PSEN2: variants seen among roughly 807,000 people sequenced by gnomAD.
The protein encoded by PSEN2 is presenilin 2.
A neutral mutation model predicts 49.1 loss-of-function variants in PSEN2; 32 were observed. The ratio of observed to expected loss-of-function variants is 0.65; its 90% CI spans 0.49 to 0.88. PSEN2 has a LOEUF of 0.88. PSEN2 is among the 40% of genes least tolerant of loss of function. The pLI, the probability that PSEN2 is intolerant of heterozygous loss-of-function variation, is 0.00. For missense variants in PSEN2, 522 were observed against 586.9 expected (o/e 0.89, Z 1.14); for synonymous variants, 255 against 244.0 (o/e 1.05, Z -0.42).
At chr1:226,892,869 T>G (rs1450165617) in intron 11 of PSEN2, among the ~76,000 whole-genome samples, 2 of 152,196 alleles carry the variant, frequency 1.3e-5, no homozygotes, top group Non-Finnish European at 2.9e-5. Flanking sequence ...TTAGGTTCAA[T>G]AACTTGCTAG....
downstream of PSEN2, among the ~76,000 whole-genome samples, chr1:226,899,948 C>G (rs1452048185): frequency 1.3e-5 from 2 of 152,200 alleles, no homozygotes; most frequent in East Asian, 3.8e-4. Context: ...CACGGCCATA[C>G]CTGTCTGAGA....
intron 5 of PSEN2, among the ~76,000 whole-genome samples, chr1:226,885,075 T>C (rs958522554): frequency 3.3e-5 from 5 of 152,060 alleles, no homozygotes; most frequent in South Asian, 2.1e-4. Flanking sequence ...GTGAATTGCT[T>C]CCTGTGTCTG....
downstream of PSEN2, among the ~76,000 whole-genome samples, chr1:226,900,691 A>C (rs2102704193): frequency 6.6e-6 from 1 of 152,312 alleles, no homozygotes; most frequent in South Asian, 2.1e-4. Flanking sequence ...ACATTGGCCA[A>C]GAGCTCCCTG....
chr1:226,887,234 C>T (rs773864769), intron 6 of PSEN2, among the ~76,000 whole-genome samples: 32 of 152,104 alleles, frequency 2.1e-4, no homozygotes, highest in African/African-American at 6.3e-4. Context: ...GGTGGTGGCC[C>T]GGGCAGCCAG....
At chr1:226,878,370 C>T (rs1042095721) in intron 3 of PSEN2, among the ~76,000 whole-genome samples, 1 of 152,118 alleles carries the variant, frequency 6.6e-6, no homozygotes, top group Non-Finnish European at 1.5e-5. Flanking sequence ...CAGGGAGCGT[C>T]TTATTAGTGG....
rs371574453 is a variant in PSEN2 at position 226,880,156 on chromosome 1, C to A, written c.-20-1732C>A. 7.6e-4 allele frequency among the ~76,000 whole-genome samples: 115 copies of A among 152,304 alleles called. 2 individuals carry two copies. The South Asian group carries it at 0.023, about 31-fold the overall frequency. ...TTGGGAGGCTGAGGCAGGAGGATCACTTGAGGCCAGGAGTTTGAGACTAGC... is the reference window on the plus strand; with the variant it reads ...TTGGGAGGCTGAGGCAGGAGGATCAATTGAGGCCAGGAGTTTGAGACTAGC... On this transcript the variant is annotated intron_variant, in intron 3 of 12. Coordinates refer to ENST00000366783, the MANE Select transcript of PSEN2 (RefSeq NM_000447.3).
intron 7 of PSEN2, 37 bp from the exon 8 acceptor site, chr1:226,888,792 C>T: frequency 6.4e-7 from 1 of 1,573,734 alleles, no homozygotes; most frequent in Non-Finnish European, 8.7e-7. Flanking sequence ...AATGCCTCCA[C>T]TGAGTCCCAG....
rs1051303953 is a variant in PSEN2 at position 226,883,709 on chromosome 1, G to A, written c.146G>A (p.Ser49Asn). The A allele has an allele frequency of 2.8e-5, 45 of 1,613,792 alleles. No homozygotes were observed. Among genetic ancestry groups the A allele is most frequent in the Non-Finnish European group, 3.6e-5 (42 of 1,179,982 alleles). The change falls in exon 5 of 13, where the codon AGC becomes AAC. Residue 49 changes from serine to asparagine, a missense_variant. Transcript: ENST00000366783. ...TCACGATGTGGTTTCCCACAGAGAA[G>A]CCAGGAGAACGAGGAGGACGGTGAG... ...EDGENTAQWR[S>N]QENEEDGEED...
chr1:226,888,708 A>G (rs1661534523), intron 7 of PSEN2, 121 bp from the exon 8 acceptor site: 3 of 856,954 alleles, frequency 3.5e-6, no homozygotes, highest in Non-Finnish European at 5.9e-6. Flanking sequence ...TTGTAAGGAC[A>G]GTGAAGGTCG....
chr1:226,883,953 TGAGG>T, intron 5 of PSEN2, 34 bp downstream of exon 5: 2 of 435,004 alleles, frequency 4.6e-6, no homozygotes, highest in Non-Finnish European at 6.4e-6. Flanking sequence ...CAGGGTGGGG[TGAGG>T]GCTGAGTTGC....
chr1:226,878,062 C>CT lies in PSEN2; in HGVS notation c.-21+2520dup, dbSNP rs541250526. On this transcript the variant is annotated intron_variant, in intron 3 of 12. Transcript: ENST00000366783. ...CACAGAACTGCTTTCCAGGGATTGT[C>CT]TTTTTTTTCTTTTTCTTTTTCTTTC... 2.4e-3 allele frequency among the ~76,000 whole-genome samples: 357 copies of CT among 151,854 alleles called. 1 individual carries two copies. The highest frequency in any genetic ancestry group is 7.5e-3 in the South Asian group (36 of 4,782).
rs201191318 is a variant in PSEN2 at position 226,893,997 on chromosome 1, C to T, written c.1073-10C>T. 4.9e-5 allele frequency: 79 copies of T among 1,608,106 alleles called. No homozygotes were observed. The highest frequency in any genetic ancestry group is 1.3e-4 in the Admixed American group (8 of 60,002). On this transcript the variant is annotated splice_polypyrimidine_tract_variant and intron_variant, in intron 11 of 12. Coordinates refer to ENST00000366783, the MANE Select transcript of PSEN2 (RefSeq NM_000447.3). ...CTCTTCAGTACGGGTTACTGTCTCTCCTCACACAGGGGGCGTGAAGCTTGG... is the reference window on the plus strand; with the variant it reads ...CTCTTCAGTACGGGTTACTGTCTCTTCTCACACAGGGGGCGTGAAGCTTGG...
intron 2 of PSEN2, among the ~76,000 whole-genome samples, chr1:226,874,260 CA>C (rs1291385873): frequency 1.3e-5 from 2 of 152,192 alleles, no homozygotes; most frequent in African/African-American, 4.8e-5. Flanking sequence ...GTGACCCTCA[CA>C]AGTGCTGACT....
At chr1:226,891,697 C>A (rs771938561) in intron 10 of PSEN2, 46 bp from the exon 11 acceptor site, 1 of 1,487,066 alleles carries the variant, frequency 6.7e-7, no homozygotes, top group South Asian at 1.1e-5. Flanking sequence ...TCTTGTTGTC[C>A]CCTCCTCACG....
At chr1:226,879,726 C>T (rs1197953989) in intron 3 of PSEN2, among the ~76,000 whole-genome samples, 1 of 152,200 alleles carries the variant, frequency 6.6e-6, no homozygotes, top group Non-Finnish European at 1.5e-5. Flanking sequence ...GGCATCTACT[C>T]CTGACAACTG....
At chr1:226,893,568 G>A (rs1324422278) in intron 11 of PSEN2, among the ~76,000 whole-genome samples, 2 of 152,170 alleles carry the variant, frequency 1.3e-5, no homozygotes, top group East Asian at 1.9e-4. Context: ...CTGTTGTAAG[G>A]TGAAAGGTTC....
chr1:226,891,731 C>T lies in PSEN2; in HGVS notation c.971-12C>T. ...CGGTGATGACGGACATCTTCTCTTC[C>T]TGGACACCCAGAAGAAGACTCCTAT... On this transcript the variant is annotated splice_polypyrimidine_tract_variant and intron_variant, in intron 10 of 12. Transcript: ENST00000366783. 1 of 1,607,562 alleles carries T rather than the reference C, an allele frequency of 6.2e-7. No homozygotes were observed. Among genetic ancestry groups the T allele is most frequent in the Non-Finnish European group, 8.5e-7 (1 of 1,174,056 alleles).
At chr1:226,884,460 C>G (rs1351488843) in intron 5 of PSEN2, among the ~76,000 whole-genome samples, 1 of 151,882 alleles carries the variant, frequency 6.6e-6, no homozygotes, top group Non-Finnish European at 1.5e-5. Flanking sequence ...GAGGCAGCAG[C>G]GTAGAAAAAT....
intron 2 of PSEN2, among the ~76,000 whole-genome samples, 157 bp downstream of exon 2, chr1:226,871,561 A>G (rs1382262291): frequency 6.6e-6 from 1 of 152,190 alleles, no homozygotes; most frequent in Non-Finnish European, 1.5e-5. Flanking sequence ...ATCCCTATTT[A>G]CAAATGGAGA....
Sources: allele counts gnomAD v4.1 joint callset (sites outside exome capture counted in the v4.1 genomes callset), GRCh38; gene constraint gnomAD v4.1.1; transcripts MANE v1.5; gene names NCBI Gene and HGNC (gene_info 2026-07-23, HGNC 2026-07-21).